The following THSD4 variants were observed in gnomAD, a reference collection of about 807,000 sequenced individuals.
The protein encoded by THSD4 is thrombospondin type-1 domain-containing protein 4.
A neutral mutation model predicts 119.0 loss-of-function variants in THSD4; 69 were observed. The ratio of observed to expected loss-of-function variants is 0.58; its 90% CI spans 0.48 to 0.71. THSD4 has a LOEUF of 0.71. Ranked by LOEUF, THSD4 falls within the 30% of genes least tolerant of loss-of-function variation. THSD4 has a pLI of 0.00. For synonymous variants in THSD4, 524 were observed against 540.4 expected (o/e 0.97, Z 0.42); for missense variants, 1,393 against 1,391.1 (o/e 1.00, Z -0.02).
In THSD4 at chr15:71,411,734, C is replaced by T. The variant is rs984765554; in HGVS notation, c.1063C>T (p.Arg355Cys). 2.4e-5 allele frequency: 38 copies of T among 1,613,940 alleles called. No homozygotes were observed. Among genetic ancestry groups the T allele is most frequent in the Non-Finnish European group, 3.1e-5 (36 of 1,180,012 alleles). ...GTTGAACTGCCAGGCAATGGGCTAC[C>T]GCTTCTATGTACGGCAAGCTGAGAA... Reference protein sequence around the residue: ...CELNCQAMGYRFYVRQAEKVI... With the variant: ...CELNCQAMGYCFYVRQAEKVI... Residue 355 changes from arginine (R) to cysteine (C), a missense_variant, in exon 7 of 18, where the codon CGC (arginine) becomes TGC (cysteine). Transcript: ENST00000261862.
rs115672625 is a variant in THSD4, at chr15:71,551,732, G to C, written c.1153-108798G>C. On this transcript the variant is annotated intron_variant, in intron 7 of 17. Transcript: ENST00000261862. Reference sequence around the variant, plus strand: ...TGACAACACATGGGAAATGTTGCCAGCTAGGAAGCTTGTTAGAGGCCTAGA... The same window carrying C: ...TGACAACACATGGGAAATGTTGCCACCTAGGAAGCTTGTTAGAGGCCTAGA... Among the ~76,000 whole-genome samples, 856 of 152,280 alleles carry C rather than the reference G, an allele frequency of 5.6e-3. 9 individuals are homozygous for C. Among genetic ancestry groups the C allele is most frequent in the African/African-American group, 0.019 (782 of 41,542 alleles).
chr15:71,738,445 A>T (rs927288379), intron 11 of THSD4, among the ~76,000 whole-genome samples: 1 of 152,160 alleles, frequency 6.6e-6, no homozygotes, highest in African/African-American at 2.4e-5. Flanking sequence ...GGTGTGACAG[A>T]TTGCATTGGG....
intron 6 of THSD4, among the ~76,000 whole-genome samples, chr15:71,372,933 A>G (rs935388729): frequency 6.6e-6 from 1 of 152,250 alleles, no homozygotes; most frequent in Admixed American, 6.5e-5. Context: ...ACCCAGTTCC[A>G]GCTTCCTGGC....
At chr15:71,619,832 T>C (rs1040065233) in intron 7 of THSD4, among the ~76,000 whole-genome samples, 3 of 152,252 alleles carry the variant, frequency 2.0e-5, no homozygotes, top group Admixed American at 1.3e-4. Context: ...TTTTTCCAAC[T>C]AATTCAACTG....
At chr15:71,339,535 A>G (rs929707832) in intron 6 of THSD4, among the ~76,000 whole-genome samples, 9 of 152,074 alleles carry the variant, frequency 5.9e-5, no homozygotes, top group Non-Finnish European at 1.3e-4. Context: ...ATTATCTATT[A>G]TCGATCAGGT....
chr15:71,297,783 A>G lies in THSD4; in HGVS notation c.1015+41068A>G, dbSNP rs185585901. Among the ~76,000 whole-genome samples the G allele has an allele frequency of 1.5e-3, 226 of 152,108 alleles. 1 individual carries two copies. The highest frequency in any genetic ancestry group is 4.8e-3 in the African/African-American group (200 of 41,476). ...ACGACTGCACCCTGCTCTTTTGCCT[A>G]TTTTTAAATTGGGTTGTATGTCTTT... On this transcript the variant is annotated intron_variant, in intron 6 of 17. Transcript: ENST00000261862.
intron 1 of THSD4, among the ~76,000 whole-genome samples, chr15:71,118,751 G>A (rs953866323): frequency 1.3e-5 from 2 of 152,120 alleles, no homozygotes; most frequent in Admixed American, 6.5e-5. Context: ...GAATATCCTC[G>A]CTGTGAAAAT....
chr15:71,131,016 T>C (rs1318508604), intron 1 of THSD4, among the ~76,000 whole-genome samples: 1 of 152,254 alleles, frequency 6.6e-6, no homozygotes, highest in Non-Finnish European at 1.5e-5. Flanking sequence ...AGTGCTGGGA[T>C]TACAGGTGTG....
chr15:71,297,616 G>A (rs1196115798), intron 6 of THSD4, among the ~76,000 whole-genome samples: 1 of 152,132 alleles, frequency 6.6e-6, no homozygotes, highest in East Asian at 1.9e-4. Flanking sequence ...TTACAGACGT[G>A]AGCTACCACG....
chr15:71,233,305 T>C (rs948621149), intron 4 of THSD4, among the ~76,000 whole-genome samples: 2 of 152,216 alleles, frequency 1.3e-5, no homozygotes, highest in African/African-American at 4.8e-5. Flanking sequence ...TTGACTCTGC[T>C]TACACAGCAG....
At chr15:71,104,196 G>T (rs995879061) in intron 1 of THSD4, among the ~76,000 whole-genome samples, 4 of 150,238 alleles carry the variant, frequency 2.7e-5, no homozygotes, top group African/African-American at 7.4e-5. Context: ...GGCATTTATT[G>T]TCTCCCCCAC....
At chr15:71,148,171 C>A (rs977751920) in intron 2 of THSD4, among the ~76,000 whole-genome samples, 2 of 152,168 alleles carry the variant, frequency 1.3e-5, no homozygotes, top group Admixed American at 6.5e-5. Context: ...GCCAGGCAGG[C>A]CTTTTCCCGG....
intron 3 of THSD4, among the ~76,000 whole-genome samples, chr15:71,197,192 C>G (rs1228889093): frequency 1.3e-5 from 2 of 152,194 alleles, no homozygotes; most frequent in Non-Finnish European, 2.9e-5. Flanking sequence ...ACAGGGTTAT[C>G]CTGGGAATCA....
chr15:71,358,219 C>T lies in THSD4; in HGVS notation c.1016-53468C>T, dbSNP rs540501695. Among the ~76,000 whole-genome samples the T allele has an allele frequency of 1.2e-4, 18 of 152,316 alleles. No homozygotes were observed. In the South Asian group the frequency reaches 3.5e-3, roughly 30 times the overall value. On this transcript the variant is annotated intron_variant, in intron 6 of 17. Coordinates refer to ENST00000261862, the MANE Select transcript of THSD4 (RefSeq NM_024817.3). Reference sequence around the variant, plus strand: ...ACCCCAGGGTACGGCATCGGCCTCCCTCCCCTCCTTCCAAGCTGTTCCTTA... The same window carrying T: ...ACCCCAGGGTACGGCATCGGCCTCCTTCCCCTCCTTCCAAGCTGTTCCTTA...
chr15:71,181,079 C>T (rs976321526), intron 3 of THSD4, among the ~76,000 whole-genome samples: 3 of 152,124 alleles, frequency 2.0e-5, no homozygotes, highest in Non-Finnish European at 4.4e-5. Flanking sequence ...TAAAGAATAG[C>T]ACAGGGCGTG....
At chr15:71,651,696 T>G (rs889431061) in intron 7 of THSD4, among the ~76,000 whole-genome samples, 1 of 152,202 alleles carries the variant, frequency 6.6e-6, no homozygotes, top group Non-Finnish European at 1.5e-5. Flanking sequence ...AAATCATGCC[T>G]TAACAACATG....
At chr15:71,251,516 C>T (rs1007874639) in intron 5 of THSD4, among the ~76,000 whole-genome samples, 3 of 152,182 alleles carry the variant, frequency 2.0e-5, no homozygotes, top group Non-Finnish European at 4.4e-5. Flanking sequence ...CAGCCACTTT[C>T]TCATGGCAGT....
In THSD4 at chr15:71,664,000, C is replaced by T. The variant is rs78389505; in HGVS notation, c.1357+3266C>T. Among the ~76,000 whole-genome samples the T allele has an allele frequency of 3.2e-3, 477 of 149,586 alleles. 1 individual carries two copies. The highest frequency in any genetic ancestry group is 5.4e-3 in the African/African-American group (222 of 40,748). On this transcript the variant is annotated intron_variant, in intron 8 of 17. Coordinates refer to ENST00000261862, the MANE Select transcript of THSD4 (RefSeq NM_024817.3). ...AGATTCCAGAACTTTTTTTTTTTTC[C>T]GAGACAGAGTCTCACTCTGTCGCCC...
At chr15:71,584,281 T>C (rs943478002) in intron 7 of THSD4, among the ~76,000 whole-genome samples, 1 of 126,856 alleles carries the variant, frequency 7.9e-6, no homozygotes, top group African/African-American at 2.7e-5. Context: ...TTTTTTTTTT[T>C]TTTTGAGACA....
Sources: allele counts gnomAD v4.1 joint callset (sites outside exome capture counted in the v4.1 genomes callset), GRCh38; gene constraint gnomAD v4.1.1; transcripts MANE v1.5; gene names NCBI Gene and HGNC (gene_info 2026-07-23, HGNC 2026-07-21).